The following SLC22A25 variants were observed in gnomAD, a reference collection of about 807,000 sequenced individuals.
The protein encoded by SLC22A25 is MGI:2442751, MGI:2385316, MGI:3042283, MGI:3645714, MGI:3605624, MGI:2442750.
SLC22A25 carries 44 observed loss-of-function variants against 45.9 expected under a neutral mutation model. That is an observed-to-expected ratio of 0.96 (90% confidence interval 0.75 to 1.23). The LOEUF (loss-of-function observed/expected upper bound fraction) is 1.23. Among genes scored for constraint, SLC22A25 ranks in the 50% most tolerant of loss-of-function variants. SLC22A25 has a pLI of 0.00. For synonymous variants in SLC22A25, 283 were observed against 238.6 expected (o/e 1.19, Z -1.72); for missense variants, 800 against 666.4 (o/e 1.20, Z -2.21).
chr11:63,235,263 C>T (rs946007569), intron 3 of SLC22A25, among the ~76,000 whole-genome samples: 7 of 152,182 alleles, frequency 4.6e-5, no homozygotes, highest in Admixed American at 3.9e-4. Flanking sequence ...CCATTCTCCC[C>T]GTCACTTTCA....
intron 9 of SLC22A25, among the ~76,000 whole-genome samples, chr11:63,173,005 T>A (rs1246428280): frequency 6.6e-6 from 1 of 152,088 alleles, no homozygotes; most frequent in East Asian, 1.9e-4. Context: ...AAAGAAAATG[T>A]GGCACATATA....
At chr11:63,195,254 C>T (rs997478873) in intron 7 of SLC22A25, among the ~76,000 whole-genome samples, 2 of 152,030 alleles carry the variant, frequency 1.3e-5, no homozygotes, top group African/African-American at 4.8e-5. Context: ...CCAAGTGGAC[C>T]TAATAGACAT....
At chr11:63,224,140 G>A (rs573271933) in intron 5 of SLC22A25, among the ~76,000 whole-genome samples, 2 of 152,022 alleles carry the variant, frequency 1.3e-5, no homozygotes, top group East Asian at 1.9e-4. Context: ...GTGCACCAAT[G>A]TTGTGCGTAT....
At chr11:63,166,551 T>C (rs1201721451) in intron 9 of SLC22A25, 1 of 1,083,214 alleles carries the variant, frequency 9.2e-7, no homozygotes, top group East Asian at 6.3e-5. Context: ...AAAACCAATG[T>C]AGCCACATGG....
intron 7 of SLC22A25, among the ~76,000 whole-genome samples, chr11:63,204,246 T>C (rs1228751805): frequency 6.6e-6 from 1 of 152,164 alleles, no homozygotes; most frequent in African/African-American, 2.4e-5. Context: ...AGAAACGGCA[T>C]CAACTAATGG....
At chr11:63,224,325 A>C (rs117497600) in intron 5 of SLC22A25, among the ~76,000 whole-genome samples, 1,549 of 152,050 alleles carry the variant, frequency 0.01, 13 homozygotes, top group Non-Finnish European at 0.016. Context: ...CTATGTGTGT[A>C]TAGATAAGAT....
At chr11:63,209,069 C>G (rs1244389715) in intron 7 of SLC22A25, among the ~76,000 whole-genome samples, 1 of 152,142 alleles carries the variant, frequency 6.6e-6, no homozygotes, top group Non-Finnish European at 1.5e-5. Context: ...ATAGATTGGC[C>G]TGCTTTCAAT....
chr11:63,161,240 A>G lies in SLC22A25; in HGVS notation c.*2584T>C, dbSNP rs1194545731. 6.6e-6 allele frequency among the ~76,000 whole-genome samples: 1 copy of G among 152,156 alleles called. No homozygotes were observed. The highest frequency in any genetic ancestry group is 1.5e-5 in the Non-Finnish European group (1 of 68,038). On this transcript the variant is annotated 3_prime_UTR_variant, in exon 12 of 12. Coordinates refer to ENST00000306494, the MANE Select transcript of SLC22A25 (RefSeq NM_199352.6). ...GTACCCCCATTGTATCTAGGAAGTA[A>G]CCAATTTCTTTTGATTTTGCAAGGT...
intron 5 of SLC22A25, among the ~76,000 whole-genome samples, chr11:63,218,629 T>G (rs80233452): frequency 0.016 from 2,463 of 152,332 alleles, 65 homozygotes; most frequent in African/African-American, 0.056. Context: ...GCAAGAGATC[T>G]AATTCTATAC....
intron 9 of SLC22A25, among the ~76,000 whole-genome samples, chr11:63,174,601 G>A (rs2088019118): frequency 6.6e-6 from 1 of 152,036 alleles, no homozygotes; most frequent in African/African-American, 2.4e-5. Flanking sequence ...CTCAGATACT[G>A]AAATCCCAGT....
At chr11:63,172,002 C>T (rs1256928722) in intron 9 of SLC22A25, among the ~76,000 whole-genome samples, 1 of 152,114 alleles carries the variant, frequency 6.6e-6, no homozygotes. Flanking sequence ...ACATCTACTA[C>T]CATCTCGTCT....
intron 7 of SLC22A25, 55 bp downstream of exon 7, chr11:63,217,259 T>C: frequency 1.9e-6 from 3 of 1,578,166 alleles, no homozygotes; most frequent in Non-Finnish European, 2.6e-6. Flanking sequence ...CCTCATTCCA[T>C]GTACATCTGC....
Position 63,163,829 on chromosome 11 carries a change from GCA to G in SLC22A25, c.1637_1638del (p.Val546AlafsTer6), listed in dbSNP as rs775417278. On this transcript the variant is annotated frameshift_variant, in exon 12 of 12. Transcript: ENST00000306494. LOFTEE classifies it high-confidence loss of function. Reference sequence around the variant, plus strand: ...TTGCTTTCCTCAGCACAGACCTATAGCACAGAGCTCCTCTGAGGGGCAGCTAG... The same window carrying G: ...TTGCTTTCCTCAGCACAGACCTATAGCAGAGCTCCTCTGAGGGGCAGCTAG... ...NSLAAPQRSS[V>X]L is the part of the protein sequence containing the mutation. 3 of 1,612,452 alleles carry G rather than the reference GCA, an allele frequency of 1.9e-6. No homozygotes were observed. The highest frequency in any genetic ancestry group is 2.5e-6 in the Non-Finnish European group (3 of 1,179,156).
chr11:63,183,923 TG>T (rs1330710378), intron 7 of SLC22A25, 106 bp from the exon 8 acceptor site: 7 of 1,475,092 alleles, frequency 4.7e-6, no homozygotes, highest in Non-Finnish European at 6.5e-6. Context: ...ACCCACCTCT[TG>T]TTTGGTTATA....
At chr11:63,214,361 A>T (rs1452850902) in intron 7 of SLC22A25, among the ~76,000 whole-genome samples, 1 of 152,244 alleles carries the variant, frequency 6.6e-6, no homozygotes, top group Non-Finnish European at 1.5e-5. Context: ...GCTTTCTATT[A>T]ACACTTTTGT....
chr11:63,219,952 G>T, intron 5 of SLC22A25: 1 of 1,289,298 alleles, frequency 7.8e-7, no homozygotes, highest in Non-Finnish European at 1.0e-6. Flanking sequence ...GATGCTGGTG[G>T]ATGGCAATGG....
intron 1 of SLC22A25, among the ~76,000 whole-genome samples, chr11:63,242,631 CT>C (rs2090268430): frequency 6.6e-6 from 1 of 152,182 alleles, no homozygotes; most frequent in Non-Finnish European, 1.5e-5. Flanking sequence ...TCCCAGTCCA[CT>C]GACTCAAATG....
Position 63,229,355 on chromosome 11 carries a change from G to C in SLC22A25, c.298C>G (p.His100Asp). ...GTGTTGGGGAAGGTCCCATTCAGATGAATGAGCTTCCACTGGGGATGGACA... is the reference window on the plus strand; with the variant it reads ...GTGTTGGGGAAGGTCCCATTCAGATCAATGAGCTTCCACTGGGGATGGACA... ...RFVHPQWKLIHLNGTFPNTSE... is the reference protein window; with the variant it reads ...RFVHPQWKLIDLNGTFPNTSE... The change falls in exon 4 of 12, where the codon CAT (histidine) becomes GAT (aspartate). Residue 100 changes from histidine (H) to aspartate (D), a missense_variant. His to Asp is a moderately conservative substitution (Grantham distance 81). Coordinates refer to ENST00000306494, the MANE Select transcript of SLC22A25 (RefSeq NM_199352.6). The C allele has an allele frequency of 6.2e-7, 1 of 1,613,996 alleles. No individual in the cohort carries two copies. Among genetic ancestry groups the C allele is most frequent in the Non-Finnish European group, 8.5e-7 (1 of 1,179,906 alleles).
At position 63,162,824 on chromosome 11, in the gene SLC22A25, C is replaced by G. The variant is rs1477580783; in HGVS notation, c.*1000G>C. On this transcript the variant is annotated 3_prime_UTR_variant, in exon 12 of 12. Transcript: ENST00000306494. ...TTATATCTTGTTATTTATTTATTTT[C>G]TAAATTTTAGTAGTATCTAGAAATG... Among the ~76,000 whole-genome samples, 1 of 151,998 alleles carries G rather than the reference C, an allele frequency of 6.6e-6. No individual in the cohort carries two copies. Among genetic ancestry groups the G allele is most frequent in the East Asian group, 1.9e-4 (1 of 5,198 alleles).
Sources: allele counts gnomAD v4.1 joint callset (sites outside exome capture counted in the v4.1 genomes callset), GRCh38; gene constraint gnomAD v4.1.1; transcripts MANE v1.5; gene names NCBI Gene and HGNC (gene_info 2026-07-23, HGNC 2026-07-21).